The following NLRP14 variants were observed in gnomAD, a reference collection of about 807,000 sequenced individuals.
NLRP14 encodes NLR family pyrin domain containing 14.
NLRP14 carries 105 observed loss-of-function variants against 94.7 expected under a neutral mutation model. That is an observed-to-expected ratio of 1.11 (90% CI 0.95 to 1.30). The LOEUF (loss-of-function observed/expected upper bound fraction) is 1.30. NLRP14 is among the 50% of genes most tolerant of loss of function. The pLI is 0.00. For synonymous variants in NLRP14, 508 were observed against 459.9 expected, an observed-to-expected ratio of 1.10 and a Z score of -1.34; for missense variants, 1,362 against 1,254.1, an observed-to-expected ratio of 1.09 and a Z score of -1.30.
intron 1 of NLRP14, among the ~76,000 whole-genome samples, chr11:7,027,909 G>A (rs10839692): frequency 0.58 from 88,592 of 151,896 alleles, 26,697 homozygotes; most frequent in East Asian, 0.74. Flanking sequence ...TAGACAGCAC[G>A]CTCTTCAGGT....
At chr11:7,048,123 A>C (rs999916450) in intron 5 of NLRP14, among the ~76,000 whole-genome samples, 1 of 152,046 alleles carries the variant, frequency 6.6e-6, no homozygotes, top group Non-Finnish European at 1.5e-5. Context: ...TGCAACTTTT[A>C]GTAGTTTCTT....
the NLRP14 span, among the ~76,000 whole-genome samples, chr11:7,086,206 A>C: frequency 2.0e-5 from 3 of 152,200 alleles, no homozygotes; most frequent in East Asian, 5.8e-4. Context: ...ACCAACACTT[A>C]TTCTTTTTGT....
In NLRP14 at chr11:7,057,807, G is replaced by A. The variant is rs10839708; in HGVS notation, c.2422G>A (p.Glu808Lys). 0.59 allele frequency: 952,871 copies of A among 1,609,838 alleles called. 285,541 individuals are homozygous for A. The highest frequency in any genetic ancestry group is 0.71 in the East Asian group (31,856 of 44,814). ...GGATGATGGAGTGCAGCTTTTGTGTGAGGCCTTAAGACATCCAAAGTGTTA... is the reference window on the plus strand; with the variant it reads ...GGATGATGGAGTGCAGCTTTTGTGTAAGGCCTTAAGACATCCAAAGTGTTA... ...LLDDGVQLLC[E>K]ALRHPKCYLE... The change falls in exon 7 of 12, where the codon GAG becomes AAG. Residue 808 changes from glutamate (E) to lysine (K), a missense_variant. By Grantham distance (56) the Glu-to-Lys change is moderately conservative (BLOSUM62 1). Coordinates refer to ENST00000299481, the MANE Select transcript of NLRP14 (RefSeq NM_176822.4).
chr11:7,050,464 C>T (rs1852425809), intron 6 of NLRP14, among the ~76,000 whole-genome samples: 1 of 151,464 alleles, frequency 6.6e-6, no homozygotes, highest in Non-Finnish European at 1.5e-5. Context: ...TAAGAAAGAT[C>T]TTATTTTTCA....
At chr11:7,081,968 T>G in the NLRP14 span, among the ~76,000 whole-genome samples, 2 of 152,130 alleles carry the variant, frequency 1.3e-5, no homozygotes, top group Non-Finnish European at 2.9e-5. Flanking sequence ...GCCCCCACCC[T>G]ACAGTAATCT....
intron 1 of NLRP14, among the ~76,000 whole-genome samples, chr11:7,037,178 C>T (rs550694513): frequency 1.3e-5 from 2 of 152,126 alleles, no homozygotes; most frequent in African/African-American, 2.4e-5. Flanking sequence ...GAAGTTTCCT[C>T]AAATCTTTTC....
At chr11:7,034,092 T>C (rs1379029364) in intron 1 of NLRP14, among the ~76,000 whole-genome samples, 5 of 152,212 alleles carry the variant, frequency 3.3e-5, no homozygotes, top group Non-Finnish European at 7.3e-5. Context: ...GTCAGCGCTC[T>C]GGGAGGTGGG....
chr11:7,089,823 C>T, the NLRP14 span: 2 of 1,609,106 alleles, frequency 1.2e-6, no homozygotes, highest in Non-Finnish European at 1.7e-6. Flanking sequence ...TGCCCCCTCG[C>T]CCGGAGAGTA....
chr11:7,085,277 A>G, the NLRP14 span, among the ~76,000 whole-genome samples: 1 of 152,230 alleles, frequency 6.6e-6, no homozygotes, highest in African/African-American at 2.4e-5. Flanking sequence ...TGTGTTCACC[A>G]TCTTAGCCAG....
intron 6 of NLRP14, among the ~76,000 whole-genome samples, chr11:7,050,449 G>A (rs1852425612): frequency 7.7e-6 from 1 of 129,646 alleles, no homozygotes; most frequent in Non-Finnish European, 1.7e-5. Context: ...TTGTGTGACA[G>A]GTTTTAAGAA....
At chr11:7,058,987 C>T (rs1261856214) in intron 8 of NLRP14, among the ~76,000 whole-genome samples, 1 of 151,876 alleles carries the variant, frequency 6.6e-6, no homozygotes, top group East Asian at 1.9e-4. Context: ...CAGCAGCAGT[C>T]TAGGGACCTG....
intron 1 of NLRP14, among the ~76,000 whole-genome samples, chr11:7,030,827 C>T (rs1852080975): frequency 6.6e-6 from 1 of 152,220 alleles, no homozygotes; most frequent in Admixed American, 6.5e-5. Context: ...AATTCCCCGA[C>T]TTCCTCTTTC....
At chr11:7,084,508 TAATC>T in the NLRP14 span, among the ~76,000 whole-genome samples, 7 of 152,236 alleles carry the variant, frequency 4.6e-5, no homozygotes, top group East Asian at 1.4e-3. Context: ...GAGATTGACT[TAATC>T]AATTGTGTCT....
downstream of NLRP14, among the ~76,000 whole-genome samples, chr11:7,073,746 G>C (rs1208213025): frequency 2.6e-5 from 4 of 152,302 alleles, no homozygotes; most frequent in East Asian, 3.9e-4. Context: ...CAAATGAACA[G>C]CCATATGAAA....
the NLRP14 span, chr11:7,090,309 G>GAT: frequency 6.3e-7 from 1 of 1,582,982 alleles, no homozygotes; most frequent in East Asian, 2.3e-5. Flanking sequence ...AGCAGGAACA[G>GAT]ACTTGGGACC....
At chr11:7,089,951 C>A in the NLRP14 span, 1 of 1,613,106 alleles carries the variant, frequency 6.2e-7, no homozygotes, top group African/African-American at 1.3e-5. Flanking sequence ...TGAGCAGAGG[C>A]TCCCATCGAG....
intron 10 of NLRP14, among the ~76,000 whole-genome samples, chr11:7,064,006 A>G (rs1852666882): frequency 2.0e-5 from 3 of 152,216 alleles, no homozygotes; most frequent in Middle Eastern, 6.8e-3. Context: ...ACATGCAAAC[A>G]TGTAACTGAA....
rs762123017 is a variant in NLRP14 at position 7,043,024 on chromosome 11, A to G, written c.998A>G (p.Asp333Gly). The change falls in exon 4 of 12, where the codon GAT (aspartate) becomes GGT (glycine). Residue 333 changes from aspartate to glycine, a missense_variant. Transcript: ENST00000299481. The part of the protein sequence containing the change: ...HYVELLGMSE[D>G]AREEYIYQFF... ...GTAGAGCTACTAGGAATGTCTGAGGATGCAAGAGAGGAGTATATTTACCAG... is the reference window on the plus strand; with the variant it reads ...GTAGAGCTACTAGGAATGTCTGAGGGTGCAAGAGAGGAGTATATTTACCAG... The G allele has an allele frequency of 1.2e-6, 2 of 1,614,202 alleles. No individual in the cohort carries two copies. Among genetic ancestry groups the G allele is most frequent in the Non-Finnish European group, 1.7e-6 (2 of 1,180,020 alleles).
At chr11:7,078,462 A>AAAAAGAAAAAAAAAAAAG in the NLRP14 span, among the ~76,000 whole-genome samples, 1 of 88,486 alleles carries the variant, frequency 1.1e-5, no homozygotes, top group Non-Finnish European at 2.0e-5. Context: ...AAAAAAAAAA[A>AAAAAGAAAAAAAAAAAAG]CAAAAAAATT....
Sources: gnomAD v4.1 joint callset for allele counts (sites outside exome capture counted in the v4.1 genomes callset) on GRCh38, gnomAD v4.1.1 for gene constraint, MANE v1.5 for transcripts, NCBI Gene and HGNC (gene_info 2026-07-23, HGNC 2026-07-21) for gene names.